Variants in SLC16A1 observed in about 807,000 individuals in gnomAD.
SLC16A1 encodes the protein solute carrier family 16 member 1.
In SLC16A1, 11 loss-of-function variants were observed where a neutral mutation model predicts 32.2. The observed-to-expected ratio is 0.34, with a 90% CI of 0.21 to 0.56. The LOEUF is 0.56. SLC16A1 is among the 20% of genes least tolerant of loss of function. The pLI is 0.87. For synonymous variants in SLC16A1, 231 were observed against 226.8 expected (o/e 1.02, Z -0.17); for missense variants, 435 against 615.0 (o/e 0.71, Z 3.10).
At chr1:112,926,850 G>T in intron 2 of SLC16A1, among the ~76,000 whole-genome samples, 1 of 151,518 alleles carries the variant, frequency 6.6e-6, no homozygotes, top group African/African-American at 2.4e-5. Flanking sequence ...CTGCACTCCA[G>T]CCTGAGTGAC....
At chr1:112,929,397 C>T in intron 1 of SLC16A1, 45 bp from the exon 2 acceptor site, 1 of 1,037,160 alleles carries the variant, frequency 9.6e-7, no homozygotes, top group Non-Finnish European at 1.5e-6. Context: ...TAAGGCACAC[C>T]TATAAAACTC....
At chr1:112,918,972 C>T (rs2101623032) in intron 3 of SLC16A1, among the ~76,000 whole-genome samples, 1 of 151,522 alleles carries the variant, frequency 6.6e-6, no homozygotes, top group Admixed American at 6.6e-5. Context: ...CACAACATTG[C>T]TAAGATGCCA....
At position 112,922,005 on chromosome 1, in the gene SLC16A1, T is replaced by C; in HGVS notation, c.346A>G (p.Ile116Val). The C allele has an allele frequency of 5.0e-6, 8 of 1,614,136 alleles. No individual in the cohort carries two copies. The highest frequency in any genetic ancestry group is 6.8e-6 in the Non-Finnish European group (8 of 1,180,032). ...AGTAACTCACCTCCAATGACTCCAA[T>C]ACAGACGTATAGTTGCTGTACGGTG... ...CNTVQQLYVCIGVIGGLGLAF... is the reference protein window; with the variant it reads ...CNTVQQLYVCVGVIGGLGLAF... Residue 116 changes from isoleucine (I) to valine (V), a missense_variant, in exon 3 of 5, where the codon ATT becomes GTT. Coordinates refer to ENST00000369626, the MANE Select transcript of SLC16A1 (RefSeq NM_003051.4).
chr1:112,948,021 A>C (rs1220802387), intron 1 of SLC16A1, among the ~76,000 whole-genome samples: 2 of 152,072 alleles, frequency 1.3e-5, no homozygotes, highest in Non-Finnish European at 2.9e-5. Flanking sequence ...GAGTTCGAGA[A>C]CAGCTTGGCC....
Position 112,917,952 on chromosome 1 carries a change from C to T in SLC16A1, c.454G>A (p.Ala152Thr). 1 of 1,590,174 alleles carries T rather than the reference C, an allele frequency of 6.3e-7. No individual in the cohort carries two copies. The highest frequency in any genetic ancestry group is 8.5e-7 in the Non-Finnish European group (1 of 1,173,706). ...GTACAGAGGAACACAGGGCTGCCTG[C>T]CATGGCCAGTCCGTTGGCCAATGGT... ...RRPLANGLAM[A>T]GSPVFLCTLA... The change falls in exon 4 of 5, where the codon GCA (alanine) becomes ACA (threonine). Residue 152 changes from alanine (A) to threonine (T), a missense_variant. Physicochemically the swap from Ala to Thr is moderately conservative, Grantham distance 58. Coordinates refer to ENST00000369626, the MANE Select transcript of SLC16A1 (RefSeq NM_003051.4). The surrounding 1 kb of genome is among the most constrained non-coding windows in gnomAD (Gnocchi z 4.1).
intron 1 of SLC16A1, among the ~76,000 whole-genome samples, chr1:112,953,767 G>A (rs1649983676): frequency 6.6e-6 from 1 of 152,084 alleles, no homozygotes; most frequent in African/African-American, 2.4e-5. Context: ...TGTCTTGCCT[G>A]GCTAGCTCTT....
chr1:112,933,676 A>G (rs1369515228), intron 1 of SLC16A1, among the ~76,000 whole-genome samples: 1 of 152,208 alleles, frequency 6.6e-6, no homozygotes, highest in Non-Finnish European at 1.5e-5. Flanking sequence ...GTCGTTGGTT[A>G]TTTAAAAATG....
At chr1:112,945,854 T>A (rs896944187) in intron 1 of SLC16A1, among the ~76,000 whole-genome samples, 1 of 151,714 alleles carries the variant, frequency 6.6e-6, no homozygotes, top group African/African-American at 2.4e-5. Context: ...TAGCCAGGCA[T>A]GGTGGCGCAC....
At chr1:112,921,199 G>A (rs1421576915) in intron 3 of SLC16A1, among the ~76,000 whole-genome samples, 3 of 151,606 alleles carry the variant, frequency 2.0e-5, no homozygotes, top group East Asian at 3.9e-4. Flanking sequence ...CTGTTCTCAC[G>A]TGTTAAACTG....
Position 112,913,448 on chromosome 1 carries a change from A to G in SLC16A1, c.*443T>C, listed in dbSNP as rs1204390327. ...CTTCCAGTGAAAATGTCTGAAATAT[A>G]TTACATGTAACAATGAAGCAAGATT... On this transcript the variant is annotated 3_prime_UTR_variant, in exon 5 of 5. Coordinates refer to ENST00000369626, the MANE Select transcript of SLC16A1 (RefSeq NM_003051.4). The G allele has an allele frequency of 6.0e-6, 1 of 166,536 alleles. No homozygotes were observed. The highest frequency in any genetic ancestry group is 5.7e-5 in the Admixed American group (1 of 17,544). The allele number at this position is 166,536 out of a possible 1,614,324, so 10.3% of individuals were successfully genotyped here.
rs1355317965 is a variant in SLC16A1, at chr1:112,918,054, C to CAATAAAGA, written c.362-11_362-10insTCTTTATT. Reference sequence around the variant, plus strand: ...AAGGCAAGCCCAAGACCTGTGAAGACAATAAATAAATAAATAAATAAATAA... The same window carrying CAATAAAGA: ...AAGGCAAGCCCAAGACCTGTGAAGACAATAAAGAAATAAATAAATAAATAAATAAATAA... On this transcript the variant is annotated splice_polypyrimidine_tract_variant and intron_variant, in intron 3 of 4. Coordinates refer to ENST00000369626, the MANE Select transcript of SLC16A1 (RefSeq NM_003051.4). The CAATAAAGA allele has an allele frequency of 3.8e-5, 33 of 859,846 alleles. 1 individual carries two copies. The highest frequency in any genetic ancestry group is 4.0e-4 in the Middle Eastern group (1 of 2,498). 53.3% of individuals were successfully genotyped at this position (859,846 alleles called of 1,614,324 possible). A position where few individuals can be genotyped will look rare whatever the true frequency, so the allele number is the denominator to read the frequency against.
intron 1 of SLC16A1, among the ~76,000 whole-genome samples, chr1:112,934,706 A>C (rs556920010): frequency 1.3e-5 from 2 of 152,252 alleles, no homozygotes; most frequent in African/African-American, 4.8e-5. Context: ...GATGAGGATA[A>C]AGAAAAGGAG....
rs562259495 is a variant in SLC16A1 at position 112,945,903 on chromosome 1, A to G, written c.-45+10132T>C. Among the ~76,000 whole-genome samples, 15 of 152,114 alleles carry G rather than the reference A, an allele frequency of 9.9e-5. 2 individuals are homozygous for G. Among genetic ancestry groups the G allele is most frequent in the Middle Eastern group, 3.4e-3 (1 of 294 alleles). Reference sequence around the variant, plus strand: ...GCTACTAGGGAAGCTGAGGCAGGAGAATCACGTGAACCCAGAGGCGGAGAT... The same window carrying G: ...GCTACTAGGGAAGCTGAGGCAGGAGGATCACGTGAACCCAGAGGCGGAGAT... On this transcript the variant is annotated intron_variant, in intron 1 of 4. Transcript: ENST00000369626.
intron 3 of SLC16A1, among the ~76,000 whole-genome samples, chr1:112,918,420 T>C (rs973785442): frequency 1.3e-5 from 2 of 152,242 alleles, no homozygotes; most frequent in Admixed American, 1.3e-4. Flanking sequence ...ATAACTATTT[T>C]GTCTAATCTA....
intron 1 of SLC16A1, among the ~76,000 whole-genome samples, chr1:112,954,147 C>A (rs1260685636): frequency 1.3e-5 from 2 of 152,140 alleles, no homozygotes; most frequent in Non-Finnish European, 2.9e-5. Context: ...TCAACTGCAA[C>A]AAAAACAAGA....
chr1:112,951,548 T>C (rs961314159), intron 1 of SLC16A1, among the ~76,000 whole-genome samples: 14 of 152,212 alleles, frequency 9.2e-5, no homozygotes, highest in Non-Finnish European at 1.3e-4. Flanking sequence ...GGAATCCTTT[T>C]ATAGCTAAAG....
rs1557843856 is a variant in SLC16A1, at chr1:112,917,112, G to C, written c.1228+66C>G. 1 of 1,600,948 alleles carries C rather than the reference G, an allele frequency of 6.2e-7. No homozygotes were observed. The highest frequency in any genetic ancestry group is 1.7e-5 in the Admixed American group (1 of 59,720). On this transcript the variant is annotated intron_variant, in intron 4 of 4. Transcript: ENST00000369626. This position sits in a 1 kb window ranked among gnomAD's most constrained non-coding sequence, Gnocchi z 4.1. ...AATAGCTCACTAATGTTTGCTTTCT[G>C]TCAGCATTCCCATCTTACATGCTTG...
chr1:112,919,074 A>G (rs1349194205), intron 3 of SLC16A1, among the ~76,000 whole-genome samples: 3 of 150,346 alleles, frequency 2.0e-5, no homozygotes, highest in Non-Finnish European at 3.0e-5. Flanking sequence ...TCTGCCGCCC[A>G]GGCTGGAGTG....
intron 1 of SLC16A1, among the ~76,000 whole-genome samples, chr1:112,949,959 A>C (rs376503766): frequency 6.6e-6 from 1 of 152,202 alleles, no homozygotes; most frequent in Non-Finnish European, 1.5e-5. Context: ...TCTAATAATC[A>C]CACTAATTTT....
Sources: gnomAD v4.1 joint callset for allele counts (sites outside exome capture counted in the v4.1 genomes callset) on GRCh38, gnomAD v4.1.1 for gene constraint, Gnocchi (gnomAD v3.1) non-coding constraint, MANE v1.5 for transcripts, NCBI Gene and HGNC (gene_info 2026-07-23, HGNC 2026-07-21) for gene names.